Variants in NPIPB11 observed in about 807,000 individuals in gnomAD.
The protein encoded by NPIPB11 is nuclear pore complex-interacting protein family member B11.
In NPIPB11, 17 loss-of-function variants were observed where a neutral mutation model predicts 32.8. The ratio of observed to expected loss-of-function variants is 0.52; its 90% CI spans 0.35 to 0.78. The LOEUF (loss-of-function observed/expected upper bound fraction) is 0.78. Among genes scored for constraint, NPIPB11 ranks in the 30% least tolerant of loss-of-function variants. The pLI is 0.01. For synonymous variants in NPIPB11, 209 were observed against 398.4 expected, an observed-to-expected ratio of 0.52 and a Z score of 5.66; for missense variants, 537 against 1,000.4, an observed-to-expected ratio of 0.54 and a Z score of 6.25.
intron 2 of NPIPB11, among the ~76,000 whole-genome samples, chr16:29,394,737 T>A (rs1029024641): frequency 2.0e-5 from 3 of 148,192 alleles, no homozygotes; most frequent in African/African-American, 7.5e-5. Flanking sequence ...CAGCCATTTT[T>A]TTGTTTTTGT....
chr16:29,405,649 C>T (rs1331107133), upstream of NPIPB11, among the ~76,000 whole-genome samples: 2 of 151,986 alleles, frequency 1.3e-5, no homozygotes, highest in South Asian at 2.1e-4. Flanking sequence ...AATCAATGCC[C>T]GTCTCATTCT....
chr16:29,399,208 C>A (rs1370936049), intron 2 of NPIPB11, among the ~76,000 whole-genome samples: 2 of 152,186 alleles, frequency 1.3e-5, no homozygotes, highest in Non-Finnish European at 2.9e-5. Flanking sequence ...AAACTTCCCA[C>A]AGGGCTTCTG....
intron 3 of NPIPB11, among the ~76,000 whole-genome samples, chr16:29,392,005 G>A (rs1207721593): frequency 1.3e-5 from 2 of 152,068 alleles, no homozygotes; most frequent in Non-Finnish European, 2.9e-5. Context: ...ACAGGCATGA[G>A]CCACCACACC....
At chr16:29,382,321 TCTG>T (rs759561472) in exon 8 of NPIPB11, 1 of 1,566,684 alleles carries the variant, frequency 6.4e-7, no homozygotes, top group South Asian at 1.1e-5. Flanking sequence ...GATATTATCA[TCTG>T]CTGAGGGTGG....
chr16:29,391,289 G>A (rs1359597104), intron 3 of NPIPB11, among the ~76,000 whole-genome samples: 8 of 147,084 alleles, frequency 5.4e-5, no homozygotes, highest in African/African-American at 2.0e-4. Context: ...AAAATGACAT[G>A]AATATACTTC....
exon 8 of NPIPB11, chr16:29,383,146 T>G (rs777040572): frequency 1.3e-6 from 2 of 1,592,946 alleles, no homozygotes; most frequent in Non-Finnish European, 1.7e-6. Context: ...GAGATTATCA[T>G]CCGCTGAGGG....
intron 2 of NPIPB11, among the ~76,000 whole-genome samples, chr16:29,394,660 C>T (rs1264045598): frequency 6.6e-6 from 1 of 152,018 alleles, no homozygotes; most frequent in Non-Finnish European, 1.5e-5. Context: ...GCCTTGAACT[C>T]CTGACAGGCG....
intron 2 of NPIPB11, among the ~76,000 whole-genome samples, chr16:29,398,782 C>G (rs1455608456): frequency 6.6e-6 from 1 of 151,390 alleles, no homozygotes; most frequent in African/African-American, 2.4e-5. Flanking sequence ...CATAACATGG[C>G]AATAAAATGT....
intron 2 of NPIPB11, among the ~76,000 whole-genome samples, chr16:29,394,489 A>C (rs1240196495): frequency 2.1e-3 from 317 of 149,194 alleles, no homozygotes; most frequent in Admixed American, 4.4e-3. Context: ...GGCTGGAGTG[A>C]AGTGGTGCAA....
At chr16:29,382,283 C>G (rs1244102324) in exon 8 of NPIPB11, 1 of 1,602,112 alleles carries the variant, frequency 6.2e-7, no homozygotes. Flanking sequence ...CCCACAGACG[C>G]TCCCCGCAGA....
At chr16:29,397,570 G>C (rs544228112) in intron 2 of NPIPB11, 13 of 1,510,824 alleles carry the variant, frequency 8.6e-6, no homozygotes, top group Non-Finnish European at 1.2e-5. Flanking sequence ...CTACTCACAC[G>C]GATGCACTGA....
At position 29,383,123 on chromosome 16, in the gene NPIPB11, C is replaced by T. The variant is rs568601875; in HGVS notation, c.1809G>A (p.Pro603=). Residue 603 remains proline, a synonymous_variant, in exon 8 of 8, where the codon CCG becomes CCA. Transcript: ENST00000524087. The stretch of plus-strand genomic sequence containing the variant: ...GGTGGAAGGGGAGTGAGCTGACGCT[C>T]GGAAGGTCTCTTGAGATTATCATCC... 8.2e-6 allele frequency: 13 copies of T among 1,592,228 alleles called. 1 individual carries two copies. The African/African-American group carries it at 1.1e-4, about 14-fold the overall frequency.
intron 2 of NPIPB11, among the ~76,000 whole-genome samples, chr16:29,395,805 C>T (rs1175588137): frequency 6.7e-6 from 1 of 149,356 alleles, no homozygotes; most frequent in Non-Finnish European, 1.5e-5. Flanking sequence ...CGGTGAAACC[C>T]ATCTCTACTA....
At chr16:29,397,482 A>C in intron 2 of NPIPB11, 3 of 1,367,824 alleles carry the variant, frequency 2.2e-6, no homozygotes, top group Non-Finnish European at 2.9e-6. Context: ...AAGTGCTGGG[A>C]TTACAGGCCT....
At chr16:29,396,969 G>A (rs2142133407) in intron 2 of NPIPB11, among the ~76,000 whole-genome samples, 1 of 151,910 alleles carries the variant, frequency 6.6e-6, no homozygotes, top group Admixed American at 6.6e-5. Flanking sequence ...CGAACATGGT[G>A]AAACCCCGTC....
At chr16:29,393,848 C>T in intron 3 of NPIPB11, 100 bp downstream of exon 3, 1 of 1,220,734 alleles carries the variant, frequency 8.2e-7, no homozygotes, top group Non-Finnish European at 1.1e-6. Context: ...TTGGGTAAAA[C>T]CACATATTCA....
At chr16:29,395,957 G>A (rs1443736056) in intron 2 of NPIPB11, among the ~76,000 whole-genome samples, 1 of 150,444 alleles carries the variant, frequency 6.6e-6, no homozygotes, top group Non-Finnish European at 1.5e-5. Flanking sequence ...CAGCCTGGGT[G>A]ACAGAGCGAG....
At position 29,382,329 on chromosome 16, in the gene NPIPB11, G is replaced by C. The variant is rs758623775; in HGVS notation, c.2603C>G (p.Pro868Arg). The change falls in exon 8 of 8, where the codon CCT becomes CGT. Residue 868 changes from proline to arginine, a missense_variant. Transcript: ENST00000524087. The stretch of plus-strand genomic sequence containing the variant: ...GTGTCTTGATATTATCATCTGCTGA[G>C]GGTGGAGCTGAGGGTGGAAGGGGAG... The C allele has an allele frequency of 1.4e-5, 22 of 1,537,474 alleles. No individual in the cohort carries two copies. The South Asian group carries it at 1.6e-4, about 11-fold the overall frequency.
At chr16:29,397,368 G>C (rs1268311381) in intron 2 of NPIPB11, among the ~76,000 whole-genome samples, 1 of 150,858 alleles carries the variant, frequency 6.6e-6, no homozygotes, top group African/African-American at 2.4e-5. Flanking sequence ...CACCAGGCCC[G>C]ACTAATCTTT....
Sources: gnomAD v4.1 joint callset for allele counts (sites outside exome capture counted in the v4.1 genomes callset) on GRCh38, gnomAD v4.1.1 for gene constraint, MANE v1.5 for transcripts, NCBI Gene and HGNC (gene_info 2026-07-23, HGNC 2026-07-21) for gene names.